The following ABL1 variants were observed in gnomAD, a reference collection of about 807,000 sequenced individuals.
ABL1 encodes the protein tyrosine-protein kinase ABL1.
ABL1 carries 11 observed loss-of-function variants against 94.7 expected under a neutral mutation model. The observed-to-expected ratio is 0.12, with a 90% CI of 0.07 to 0.19. The LOEUF (loss-of-function observed/expected upper bound fraction) is 0.19, where lower values mean the gene tolerates loss of function less well. Ranked by LOEUF, ABL1 falls within the 10% of genes least tolerant of loss-of-function variation. ABL1 has a pLI of 1.00. For synonymous variants in ABL1, 656 were observed against 622.4 expected, an observed-to-expected ratio of 1.05 and a Z score of -0.80; for missense variants, 1,082 against 1,489.4, an observed-to-expected ratio of 0.73 and a Z score of 4.50.
At chr9:130,753,797 A>G (rs4571835) in intron 1 of ABL1, among the ~76,000 whole-genome samples, 13,118 of 152,118 alleles carry the variant, frequency 0.086, 1,243 homozygotes, top group East Asian at 0.47. Context: ...TGCCTATTAC[A>G]TAGTAGATTT....
At chr9:130,868,520 CTTTTTTTTTTT>C (rs71389371) in intron 4 of ABL1, among the ~76,000 whole-genome samples, 2 of 112,110 alleles carry the variant, frequency 1.8e-5, no homozygotes, top group South Asian at 3.0e-4. Context: ...TTTTCTTTTT[CTTTTTTTTTTT>C]TTTTTTTTTT....
chr9:130,885,472 A>T lies in ABL1; in HGVS notation c.3182A>T (p.Lys1061Ile), dbSNP rs746899144. 2 of 1,614,108 alleles carry T rather than the reference A, an allele frequency of 1.2e-6. No homozygotes were observed. The highest frequency in any genetic ancestry group is 1.1e-5 in the South Asian group (1 of 91,092). The change falls in exon 11 of 11, where the codon AAA becomes ATA. Residue 1061 changes from lysine to isoleucine, a missense_variant. Physicochemically the swap from Lys to Ile is moderately radical, Grantham distance 102 (BLOSUM62 -3). Around this residue, in one of 7 missense-constraint regions of ABL1, gnomAD observed 780 missense variants for 835.8 expected, o/e 0.93. Coordinates refer to ENST00000318560, the MANE Select transcript of ABL1 (RefSeq NM_005157.6). Reference protein sequence around the residue: ...ASHSAVLEAGKNLYTFCVSYV... With the variant: ...ASHSAVLEAGINLYTFCVSYV... ...CACAGCGCAGTGCTGGAGGCCGGCAAAAACCTCTACACGTTCTGCGTGAGC... is the reference window on the plus strand; with the variant it reads ...CACAGCGCAGTGCTGGAGGCCGGCATAAACCTCTACACGTTCTGCGTGAGC...
chr9:130,798,246 G>C (rs1287232936), intron 1 of ABL1, among the ~76,000 whole-genome samples: 1 of 152,026 alleles, frequency 6.6e-6, no homozygotes, highest in Non-Finnish European at 1.5e-5. Context: ...TTGCAGTTTT[G>C]AAACATTCTA....
intron 1 of ABL1, among the ~76,000 whole-genome samples, chr9:130,752,372 C>T (rs1399822709): frequency 6.6e-6 from 1 of 152,168 alleles, no homozygotes; most frequent in African/African-American, 2.4e-5. Context: ...CTACTGGGAA[C>T]TGTAACTCCT....
At chr9:130,787,386 TGAGA>T (rs895623688) in intron 1 of ABL1, among the ~76,000 whole-genome samples, 3 of 152,106 alleles carry the variant, frequency 2.0e-5, no homozygotes, top group Admixed American at 6.6e-5. Flanking sequence ...AGCTCCCGTG[TGAGA>T]GAGAATTTCC....
chr9:130,744,905 T>C (rs1276454518), intron 1 of ABL1, among the ~76,000 whole-genome samples: 1 of 151,780 alleles, frequency 6.6e-6, no homozygotes, highest in Non-Finnish European at 1.5e-5. Context: ...GTTTCTTTGC[T>C]GTTCCTTTTC....
chr9:130,753,422 C>CTTTTTTTTTTTTTT (rs71389347), intron 1 of ABL1, among the ~76,000 whole-genome samples: 84 of 90,318 alleles, frequency 9.3e-4, no homozygotes, highest in East Asian at 1.6e-3. Flanking sequence ...TTTTTCTTTT[C>CTTTTTTTTTTTTTT]TTTTTTTTTT....
intron 1 of ABL1, among the ~76,000 whole-genome samples, chr9:130,780,195 G>T (rs1055737688): frequency 2.0e-5 from 3 of 152,202 alleles, no homozygotes; most frequent in Admixed American, 1.3e-4. Context: ...GCTGAGGCAG[G>T]AGAATCGCTT....
At chr9:130,875,165 G>T in intron 7 of ABL1, 113 bp downstream of exon 7, 19 of 1,164,966 alleles carry the variant, frequency 1.6e-5, no homozygotes, top group Non-Finnish European at 2.1e-5. Flanking sequence ...TTTTTGAGAC[G>T]GAGTCTCACT....
intron 1 of ABL1, among the ~76,000 whole-genome samples, chr9:130,828,101 AT>A (rs1830449156): frequency 6.6e-6 from 1 of 151,952 alleles, no homozygotes; most frequent in African/African-American, 2.4e-5. Context: ...TTATTTATTT[AT>A]TTTTGATACA....
chr9:130,826,886 G>C (rs573301234), intron 1 of ABL1, among the ~76,000 whole-genome samples: 5 of 152,268 alleles, frequency 3.3e-5, no homozygotes, highest in African/African-American at 1.2e-4. Context: ...AGACCATCCT[G>C]GCTAATGTGG....
At position 130,835,491 on chromosome 9, in the gene ABL1, G is replaced by T; in HGVS notation, c.45G>T (p.Lys15Asn). The change falls in exon 1 of 11, where the codon AAG (lysine) becomes AAT (asparagine). Residue 15 changes from lysine (K) to asparagine (N), a missense_variant. By Grantham distance (94) the Lys-to-Asn change is moderately conservative. Transcript: ENST00000318560. This position sits in a 1 kb window ranked among gnomAD's most constrained non-coding sequence, Gnocchi z 4.6. The part of the protein sequence containing the change: ...CLKLVGCKSK[K>N]GLSSSSSCYL... The stretch of plus-strand genomic sequence containing the variant: ...AGCTGGTGGGCTGCAAATCCAAGAA[G>T]GGGCTGTCCTCGTCCTCCAGCTGTT... The T allele has an allele frequency of 6.4e-7, 1 of 1,564,816 alleles. No homozygotes were observed. The highest frequency in any genetic ancestry group is 2.3e-5 in the East Asian group (1 of 43,046).
intron 1 of ABL1, among the ~76,000 whole-genome samples, chr9:130,837,442 C>T (rs879554015): frequency 5.9e-5 from 9 of 151,494 alleles, no homozygotes; most frequent in Non-Finnish European, 8.8e-5. Flanking sequence ...GGGAGTAAAC[C>T]GGAGATTTAG....
At chr9:130,761,675 GA>G (rs1469070022) in intron 1 of ABL1, among the ~76,000 whole-genome samples, 1 of 152,148 alleles carries the variant, frequency 6.6e-6, no homozygotes, top group Non-Finnish European at 1.5e-5. Flanking sequence ...ACATTAATAA[GA>G]ACATTACTTC....
chr9:130,796,047 C>T (rs1353791880), intron 1 of ABL1, among the ~76,000 whole-genome samples: 1 of 152,008 alleles, frequency 6.6e-6, no homozygotes, highest in Non-Finnish European at 1.5e-5. Flanking sequence ...GTGGCATATG[C>T]CTGTAATCCC....
At chr9:130,801,121 G>T (rs866855005) in intron 1 of ABL1, among the ~76,000 whole-genome samples, 73 of 151,890 alleles carry the variant, frequency 4.8e-4, no homozygotes, top group African/African-American at 1.6e-3. Flanking sequence ...GTAGAGACGG[G>T]GTTTCACCCT....
In ABL1 at chr9:130,848,151, A is replaced by T. The variant is rs140172121; in HGVS notation, c.80-5913A>T. Among the ~76,000 whole-genome samples the T allele has an allele frequency of 4.9e-3, 739 of 152,208 alleles. 7 individuals are homozygous for T. Among genetic ancestry groups the T allele is most frequent in the African/African-American group, 0.017 (709 of 41,518 alleles). On this transcript the variant is annotated intron_variant, in intron 1 of 10. Coordinates refer to ENST00000318560, the MANE Select transcript of ABL1 (RefSeq NM_005157.6). ...GGAGGCACTCAAGTGCCTTTTCAGG[A>T]CAGCCTGAAGGAAGCCTCCCTCCCC...
intron 3 of ABL1, among the ~76,000 whole-genome samples, chr9:130,856,412 G>C (rs951925438): frequency 6.6e-6 from 1 of 152,146 alleles, no homozygotes; most frequent in East Asian, 1.9e-4. Flanking sequence ...AGTAGAGACA[G>C]GGTCTCGCCA....
At chr9:130,810,242 T>C (rs1166176601) in intron 1 of ABL1, among the ~76,000 whole-genome samples, 2 of 152,228 alleles carry the variant, frequency 1.3e-5, no homozygotes. Flanking sequence ...ACGCCTGTAA[T>C]GCCAGCACTT....
Sources: allele counts gnomAD v4.1 joint callset (sites outside exome capture counted in the v4.1 genomes callset), GRCh38; gene constraint gnomAD v4.1.1; regional missense constraint gnomAD v4.1.1; non-coding constraint Gnocchi (gnomAD v3.1); transcripts MANE v1.5; gene names NCBI Gene and HGNC (gene_info 2026-07-23, HGNC 2026-07-21).